USP4: variants seen among roughly 807,000 people sequenced by gnomAD.
USP4 encodes the protein ubiquitin carboxyl-terminal hydrolase 4.
In USP4, 72 loss-of-function variants were observed where a neutral mutation model predicts 118.2. That is an observed-to-expected ratio of 0.61 (90% CI 0.50 to 0.74). The LOEUF (loss-of-function observed/expected upper bound fraction) is 0.74. Ranked by LOEUF, USP4 falls within the 30% of genes least tolerant of loss-of-function variation. The probability of loss-of-function intolerance (pLI) is 0.00; values close to 1 mark genes in which losing one functional copy is unlikely to be tolerated. For missense variants in USP4, 1,037 were observed against 1,185.7 expected (o/e 0.87, Z 1.84); for synonymous variants, 415 against 440.4 (o/e 0.94, Z 0.72).
At chr3:49,291,299 G>C (rs1454854911) in intron 15 of USP4, among the ~76,000 whole-genome samples, 3 of 149,292 alleles carry the variant, frequency 2.0e-5, no homozygotes, top group Admixed American at 2.0e-4. Context: ...AAAAAAAGCT[G>C]GGCACAGTGG....
Position 49,284,921 on chromosome 3 carries a change from T to A in USP4, c.2201-2A>T, listed in dbSNP as rs1207959735. The A allele has an allele frequency of 2.5e-6, 4 of 1,607,410 alleles. No homozygotes were observed. Among genetic ancestry groups the A allele is most frequent in the Non-Finnish European group, 3.4e-6 (4 of 1,176,520 alleles). On this transcript the variant is annotated splice_acceptor_variant, in intron 16 of 21. Coordinates refer to ENST00000265560, the MANE Select transcript of USP4 (RefSeq NM_003363.4). LOFTEE classifies it high-confidence loss of function. ...AATCCATGGCCAGTGTAGATCGAGC[T>A]GAGGAGGACCAAAATGTCACTTGTT...
chr3:49,297,941 A>C lies in USP4; in HGVS notation c.1620T>G (p.Asn540Lys). 1 of 1,613,792 alleles carries C rather than the reference A, an allele frequency of 6.2e-7. No homozygotes were observed. Among genetic ancestry groups the C allele is most frequent in the Non-Finnish European group, 8.5e-7 (1 of 1,179,724 alleles). The change falls in exon 13 of 22, where the codon AAT becomes AAG. Residue 540 changes from asparagine (N) to lysine (K), a missense_variant. Asn to Lys is a moderately conservative substitution (Grantham distance 94). This residue lies in a region of USP4 where 522 missense variants were observed against 592.6 expected (regional missense o/e 0.88). Transcript: ENST00000265560. ...TTTGGAAAATTTTGTGGAATCGGTG[A>C]TTATACACATCTGCGACCACCATCT... Reference protein sequence around the residue: ...AENMVVADVYNHRFHKIFQMD... With the variant: ...AENMVVADVYKHRFHKIFQMD...
chr3:49,288,496 G>A (rs954121887), intron 15 of USP4, among the ~76,000 whole-genome samples: 19 of 152,146 alleles, frequency 1.2e-4, no homozygotes, highest in Non-Finnish European at 2.4e-4. Flanking sequence ...GCAACATGGT[G>A]AAACCCCATC....
chr3:49,327,496 G>A (rs964248587), intron 3 of USP4, among the ~76,000 whole-genome samples, 190 bp downstream of exon 3: 5 of 151,988 alleles, frequency 3.3e-5, no homozygotes, highest in African/African-American at 7.2e-5. Context: ...AGATCGTGCC[G>A]TTGCACTCCA....
intron 4 of USP4, 29 bp from the exon 5 acceptor site, chr3:49,325,068 G>C: frequency 6.2e-7 from 1 of 1,606,054 alleles, no homozygotes; most frequent in Non-Finnish European, 8.5e-7. Context: ...ATCACTTGGG[G>C]CTTTGTCCAC....
intron 6 of USP4, among the ~76,000 whole-genome samples, chr3:49,320,997 G>A (rs1227967505): frequency 6.6e-6 from 1 of 152,162 alleles, no homozygotes; most frequent in Non-Finnish European, 1.5e-5. Context: ...ATTAGCCAAT[G>A]AGATACAAAG....
Position 49,286,289 on chromosome 3 carries a change from C to A in USP4, c.2009G>T (p.Gly670Val). 1 of 1,614,124 alleles carries A rather than the reference C, an allele frequency of 6.2e-7. No individual in the cohort carries two copies. Among genetic ancestry groups the A allele is most frequent in the Non-Finnish European group, 8.5e-7 (1 of 1,180,022 alleles). ...DEEEMEHQEE[G>V]KEQLSETEGS... ...TTCTGTTTCTGAAAGCTGCTCTTTG[C>A]CTTCTTCCTGATGCTCCATTTCTTC... The change falls in exon 16 of 22, where the codon GGC becomes GTC. Residue 670 changes from glycine (G) to valine (V), a missense_variant. By Grantham distance (109) the Gly-to-Val change is moderately radical. Transcript: ENST00000265560.
At chr3:49,293,930 T>G (rs532418222) in intron 14 of USP4, among the ~76,000 whole-genome samples, 16 of 151,004 alleles carry the variant, frequency 1.1e-4, no homozygotes, top group South Asian at 4.2e-4. Flanking sequence ...AGGTGGCTCA[T>G]CCCAATAGCA....
At chr3:49,302,283 G>A (rs2047269639) in intron 10 of USP4, 101 bp downstream of exon 10, 12 of 1,378,450 alleles carry the variant, frequency 8.7e-6, no homozygotes, top group Non-Finnish European at 9.8e-6. Context: ...AGCAACCAGG[G>A]CCCTGGCAAC....
At chr3:49,328,775 G>A (rs2047583280) in intron 2 of USP4, among the ~76,000 whole-genome samples, 1 of 151,978 alleles carries the variant, frequency 6.6e-6, no homozygotes, top group Admixed American at 6.6e-5. Context: ...CATAAGAATT[G>A]CTTGAACCCA....
chr3:49,280,537 G>A (rs1353467625), intron 20 of USP4, among the ~76,000 whole-genome samples: 1 of 148,348 alleles, frequency 6.7e-6, no homozygotes, highest in Non-Finnish European at 1.5e-5. Flanking sequence ...TCTAGCCTGG[G>A]TGACATAACG....
At chr3:49,313,642 T>C (rs768122539) in intron 6 of USP4, among the ~76,000 whole-genome samples, 10 of 152,238 alleles carry the variant, frequency 6.6e-5, no homozygotes, top group Non-Finnish European at 1.3e-4. Flanking sequence ...TTGGTTTCAC[T>C]ACGCCTTCTA....
chr3:49,309,193 A>G (rs975455116), intron 8 of USP4, among the ~76,000 whole-genome samples: 2 of 152,008 alleles, frequency 1.3e-5, no homozygotes, highest in African/African-American at 2.4e-5. Context: ...CATCATCATG[A>G]GTATAATAAC....
intron 19 of USP4, among the ~76,000 whole-genome samples, chr3:49,283,222 G>C (rs911009336): frequency 6.7e-6 from 1 of 149,864 alleles, no homozygotes; most frequent in Admixed American, 6.7e-5. Context: ...CACCATGTTG[G>C]CCAGGATGGT....
At position 49,340,039 on chromosome 3, in the gene USP4, C is replaced by A. The variant is rs746091862; in HGVS notation, c.-15G>T. 1.3e-6 allele frequency: 2 copies of A among 1,599,826 alleles called. No homozygotes were observed. Among genetic ancestry groups the A allele is most frequent in the South Asian group, 2.2e-5 (2 of 90,982 alleles). On this transcript the variant is annotated 5_prime_UTR_variant, in exon 1 of 22. Coordinates refer to ENST00000265560, the MANE Select transcript of USP4 (RefSeq NM_003363.4). ...CCTTCCGCCATCTCCTCCGCGGCCC[C>A]GGCCCAGCCGGCCCGGACATCCGCC...
At chr3:49,292,693 A>T in intron 14 of USP4, 95 bp from the exon 15 acceptor site, 1 of 783,926 alleles carries the variant, frequency 1.3e-6, no homozygotes. Flanking sequence ...TTCATAATTT[A>T]TATGGATGAT....
intron 8 of USP4, among the ~76,000 whole-genome samples, chr3:49,307,340 C>T (rs1473063881): frequency 2.0e-5 from 3 of 150,702 alleles, no homozygotes; most frequent in Admixed American, 6.6e-5. Context: ...CCCAGCTACC[C>T]GGGAGGCAGA....
intron 1 of USP4, among the ~76,000 whole-genome samples, chr3:49,337,970 C>A (rs1258851047): frequency 6.8e-6 from 1 of 147,514 alleles, no homozygotes; most frequent in Non-Finnish European, 1.5e-5. Flanking sequence ...CGCTTGAACC[C>A]GGGAGGCAGA....
intron 6 of USP4, among the ~76,000 whole-genome samples, chr3:49,316,444 C>T (rs780810203): frequency 6.6e-6 from 1 of 151,764 alleles, no homozygotes; most frequent in Non-Finnish European, 1.5e-5. Context: ...CTCAGCCTCC[C>T]GAGTAGCTGG....
Sources: allele counts gnomAD v4.1 joint callset (sites outside exome capture counted in the v4.1 genomes callset), GRCh38; gene constraint gnomAD v4.1.1; regional missense constraint gnomAD v4.1.1; transcripts MANE v1.5; gene names NCBI Gene and HGNC (gene_info 2026-07-23, HGNC 2026-07-21).